GSK3B: variants seen among roughly 807,000 people sequenced by gnomAD.
GSK3B encodes the protein glycogen synthase kinase-3 beta.
Under a neutral mutation model 56.4 loss-of-function variants are expected in GSK3B, and 15 were observed. The ratio of observed to expected loss-of-function variants is 0.27; its 90% confidence interval spans 0.18 to 0.41. The LOEUF is 0.41. Among genes scored for constraint, GSK3B ranks in the 10% least tolerant of loss-of-function variants. GSK3B has a pLI of 1.00. For synonymous variants in GSK3B, 181 were observed against 188.9 expected (o/e 0.96, Z 0.34); for missense variants, 300 against 513.4 (o/e 0.58, Z 4.02).
Position 119,822,946 on chromosome 3 carries a change from A to C in GSK3B, c.*3842T>G. The C allele has an allele frequency of 4.4e-6, 1 of 229,346 alleles. No individual in the cohort carries two copies. The highest frequency in any genetic ancestry group is 5.7e-5 in the Admixed American group (1 of 17,658). 14.2% of individuals were successfully genotyped at this position (229,346 alleles called of 1,614,324 possible). A position where few individuals can be genotyped will look rare whatever the true frequency, so the allele number is the denominator to read the frequency against. On this transcript the variant is annotated 3_prime_UTR_variant, in exon 11 of 11. Coordinates refer to ENST00000264235, the MANE Select transcript of GSK3B (RefSeq NM_001146156.2). ...TGTCTTCATATCCACAGGGATAGAG[A>C]ATACTCCTCTCAGAAACCTTTGCAT...
At chr3:120,061,107 T>C (rs2107552347) in intron 1 of GSK3B, among the ~76,000 whole-genome samples, 1 of 152,362 alleles carries the variant, frequency 6.6e-6, no homozygotes, top group Middle Eastern at 3.4e-3. Flanking sequence ...AATTCCTATT[T>C]TGTGTGCTGA....
intron 1 of GSK3B, among the ~76,000 whole-genome samples, chr3:120,077,812 T>G (rs907562877): frequency 3.3e-5 from 5 of 151,982 alleles, no homozygotes; most frequent in South Asian, 2.1e-4. Context: ...TATTGTACAA[T>G]GACATGGTAA....
At chr3:119,976,164 A>G (rs1007440127) in intron 2 of GSK3B, among the ~76,000 whole-genome samples, 1 of 152,166 alleles carries the variant, frequency 6.6e-6, no homozygotes, top group African/African-American at 2.4e-5. Flanking sequence ...AAATAGGTTA[A>G]TATTTCTTCA....
intron 6 of GSK3B, among the ~76,000 whole-genome samples, chr3:119,912,318 C>T (rs1464866063): frequency 6.6e-6 from 1 of 152,000 alleles, no homozygotes; most frequent in Non-Finnish European, 1.5e-5. Context: ...ACAATAGTAA[C>T]ATCAAAGACC....
intron 1 of GSK3B, among the ~76,000 whole-genome samples, chr3:120,030,534 C>G (rs1274419666): frequency 6.6e-6 from 1 of 152,214 alleles, no homozygotes; most frequent in East Asian, 1.9e-4. Context: ...CCCTTGCTCA[C>G]AATCCTTCAG....
At chr3:120,069,372 A>T (rs565330730) in intron 1 of GSK3B, among the ~76,000 whole-genome samples, 148 of 152,318 alleles carry the variant, frequency 9.7e-4, no homozygotes, top group Non-Finnish European at 1.6e-3. Context: ...TAAAGAAAAA[A>T]CTAAAACATA....
At chr3:120,037,984 T>C (rs928215320) in intron 1 of GSK3B, among the ~76,000 whole-genome samples, 4 of 152,204 alleles carry the variant, frequency 2.6e-5, no homozygotes, top group African/African-American at 9.6e-5. Flanking sequence ...TAATCTTCCA[T>C]AGCTATAACA....
chr3:119,885,412 G>C (rs1354180657), intron 7 of GSK3B, among the ~76,000 whole-genome samples: 1 of 152,086 alleles, frequency 6.6e-6, no homozygotes, highest in African/African-American at 2.4e-5. Flanking sequence ...TGGATTGGAA[G>C]AATCAGTACT....
intron 1 of GSK3B, among the ~76,000 whole-genome samples, chr3:120,037,903 A>G (rs1373057029): frequency 6.6e-6 from 1 of 152,200 alleles, no homozygotes; most frequent in Non-Finnish European, 1.5e-5. Context: ...GTAATACACT[A>G]TAGAGAATAA....
At chr3:119,882,896 T>C (rs534484856) in intron 7 of GSK3B, among the ~76,000 whole-genome samples, 2 of 152,330 alleles carry the variant, frequency 1.3e-5, no homozygotes, top group Non-Finnish European at 2.9e-5. Context: ...TAACTAGCTA[T>C]ATTCTTTACC....
chr3:119,983,732 G>A (rs1011411316), intron 2 of GSK3B, among the ~76,000 whole-genome samples: 1 of 152,132 alleles, frequency 6.6e-6, no homozygotes, highest in African/African-American at 2.4e-5. Context: ...CCTACAAAGA[G>A]ACTTAGACTC....
At chr3:119,944,251 C>CA (rs1244782544) in intron 3 of GSK3B, among the ~76,000 whole-genome samples, 2 of 152,116 alleles carry the variant, frequency 1.3e-5, no homozygotes, top group Non-Finnish European at 2.9e-5. Context: ...AACATTCTCT[C>CA]AAAAACCTCA....
intron 2 of GSK3B, among the ~76,000 whole-genome samples, chr3:119,977,093 AT>A (rs951323649): frequency 2.5e-4 from 38 of 152,302 alleles, no homozygotes; most frequent in Admixed American, 8.5e-4. Flanking sequence ...ACTATATATA[AT>A]TTTAACAGCA....
intron 3 of GSK3B, among the ~76,000 whole-genome samples, chr3:119,946,343 A>G (rs2057099591): frequency 6.6e-6 from 1 of 152,194 alleles, no homozygotes; most frequent in Admixed American, 6.5e-5. Flanking sequence ...TGTAAAAAAA[A>G]AGCTTAATAG....
At chr3:119,865,353 G>A (rs2056162183) in intron 8 of GSK3B, among the ~76,000 whole-genome samples, 1 of 145,142 alleles carries the variant, frequency 6.9e-6, no homozygotes, top group Non-Finnish European at 1.5e-5. Flanking sequence ...TGGATGCTGA[G>A]TTATTTTAAA....
intron 2 of GSK3B, among the ~76,000 whole-genome samples, chr3:119,992,412 T>C (rs2057574166): frequency 6.6e-6 from 1 of 152,002 alleles, no homozygotes; most frequent in African/African-American, 2.4e-5. Context: ...AGTTAATGAT[T>C]TAGAAAAGAT....
intron 10 of GSK3B, among the ~76,000 whole-genome samples, chr3:119,831,534 G>A (rs898821277): frequency 6.6e-6 from 1 of 151,888 alleles, no homozygotes; most frequent in Non-Finnish European, 1.5e-5. Context: ...GCGGGCGCCT[G>A]TAGTCCCAGC....
Position 119,936,338 on chromosome 3 carries a change from AT to A in GSK3B, c.366+10929del, listed in dbSNP as rs1325193820. ...ATAAAAATATAAATATATATAAAAA[AT>A]ATATATATATATATATTTTTTTTTT... is the stretch of plus-strand genomic sequence containing the variant. On this transcript the variant is annotated intron_variant, in intron 3 of 10. Transcript: ENST00000264235. 6.5e-5 allele frequency among the ~76,000 whole-genome samples: 8 copies of A among 122,994 alleles called. No homozygotes were observed. In the East Asian group the frequency reaches 1.4e-3, roughly 22 times the overall value. The allele number at this position is 122,994 out of a possible 152,430, so 80.7% of individuals were successfully genotyped here.
chr3:119,896,065 C>CTGACA (rs1022340298), intron 7 of GSK3B, among the ~76,000 whole-genome samples: 1 of 149,754 alleles, frequency 6.7e-6, no homozygotes, highest in Non-Finnish European at 1.5e-5. Context: ...AAGGTGCAGG[C>CTGACA]TACAGTAAGC....
Sources: gnomAD v4.1 joint callset for allele counts (sites outside exome capture counted in the v4.1 genomes callset) on GRCh38, gnomAD v4.1.1 for gene constraint, MANE v1.5 for transcripts, NCBI Gene and HGNC (gene_info 2026-07-23, HGNC 2026-07-21) for gene names.